The following PARVB variants were observed in gnomAD, a reference collection of about 807,000 sequenced individuals.
PARVB encodes parvin beta.
In PARVB, 46 loss-of-function variants were observed where a neutral mutation model predicts 47.0. The ratio of observed to expected loss-of-function variants is 0.98; its 90% CI spans 0.77 to 1.25. PARVB has a LOEUF of 1.25. PARVB is among the 50% of genes most tolerant of loss of function. The pLI, the probability that PARVB is intolerant of heterozygous loss-of-function variation, is 0.00. For synonymous variants in PARVB, 196 were observed against 196.3 expected (o/e 1.00, Z 0.01); for missense variants, 473 against 471.6 (o/e 1.00, Z -0.03).
At position 44,147,577 on chromosome 22, in the gene PARVB, A is replaced by G. The variant is rs777892754; in HGVS notation, c.713-284A>G. 465 of 563,936 alleles carry G rather than the reference A, an allele frequency of 8.2e-4. 4 individuals are homozygous for G. Among genetic ancestry groups the G allele is most frequent in the Middle Eastern group, 4.1e-3 (8 of 1,930 alleles). 34.9% of individuals were successfully genotyped at this position (563,936 alleles called of 1,614,324 possible). A position where few individuals can be genotyped will look rare whatever the true frequency, so the allele number is the denominator to read the frequency against. Reference sequence around the variant, plus strand: ...CAGGTGCAGATGCCAGATGCCATCTATGTGTTTCATATGAGAAGGTAAAAA... The same window carrying G: ...CAGGTGCAGATGCCAGATGCCATCTGTGTGTTTCATATGAGAAGGTAAAAA... On this transcript the variant is annotated intron_variant, in intron 8 of 12. Coordinates refer to ENST00000338758, the MANE Select transcript of PARVB (RefSeq NM_013327.5).
At chr22:44,032,827 A>G (rs993242924) in intron 1 of PARVB, among the ~76,000 whole-genome samples, 7 of 152,094 alleles carry the variant, frequency 4.6e-5, no homozygotes, top group African/African-American at 1.7e-4. Flanking sequence ...AGGGAAAAAG[A>G]ATGCTGGGAC....
chr22:44,165,829 T>A (rs1260608511), intron 12 of PARVB, among the ~76,000 whole-genome samples: 1 of 152,222 alleles, frequency 6.6e-6, no homozygotes, highest in African/African-American at 2.4e-5. Context: ...GCTGCTCCCA[T>A]GAGCACTGGA....
At chr22:44,121,683 G>A (rs1601637124) in intron 4 of PARVB, among the ~76,000 whole-genome samples, 1 of 152,040 alleles carries the variant, frequency 6.6e-6, no homozygotes, top group East Asian at 1.9e-4. Flanking sequence ...TGGCTCCTGG[G>A]GTGTCATTGC....
intron 1 of PARVB, among the ~76,000 whole-genome samples, chr22:44,091,129 T>A (rs2052156216): frequency 6.6e-6 from 1 of 152,102 alleles, no homozygotes; most frequent in African/African-American, 2.4e-5. Context: ...CCACTGCTGG[T>A]GTAGCGTTAT....
intron 2 of PARVB, among the ~76,000 whole-genome samples, chr22:44,098,295 G>A (rs971786504): frequency 2.0e-5 from 3 of 152,210 alleles, no homozygotes; most frequent in African/African-American, 7.2e-5. Flanking sequence ...TCCAGAGGGG[G>A]TCTCAGACAT....
chr22:44,026,439 A>C (rs990859328), intron 1 of PARVB: 1 of 715,736 alleles, frequency 1.4e-6, no homozygotes, highest in Admixed American at 6.3e-5. Context: ...AGGGCCACAA[A>C]CCCTCCTTGG....
intron 3 of PARVB, chr22:44,115,339 CTAAG>C: frequency 1.8e-5 from 1 of 57,032 alleles, no homozygotes; most frequent in Non-Finnish European, 3.5e-5. Context: ...TACATTGTTA[CTAAG>C]TAAGGCCCTG....
intron 11 of PARVB, among the ~76,000 whole-genome samples, chr22:44,163,478 C>T (rs766943590): frequency 6.6e-5 from 10 of 152,052 alleles, no homozygotes; most frequent in South Asian, 2.1e-4. Context: ...TCTCAAAAAA[C>T]GTAAATAAAT....
intron 1 of PARVB, among the ~76,000 whole-genome samples, chr22:44,075,197 A>G (rs2146989721): frequency 6.6e-6 from 1 of 152,336 alleles, no homozygotes; most frequent in South Asian, 2.1e-4. Flanking sequence ...CCCTGGAGAC[A>G]TGGATGCCTG....
rs148473628 is a variant in PARVB, at chr22:44,134,752, T to TGGAA, written c.634-1695_634-1692dup. Among the ~76,000 whole-genome samples the TGGAA allele has an allele frequency of 7.2e-5, 11 of 152,044 alleles. No individual in the cohort carries two copies. The East Asian group carries it at 2.1e-3, about 29-fold the overall frequency. ...TGTAAGGGATGTGGCATTTCCAGGG[T>TGGAA]GGAAGGAAGGAAGGAAAGGGCCTTA... On this transcript the variant is annotated intron_variant, in intron 6 of 12. Transcript: ENST00000338758.
chr22:44,148,268 G>A (rs1271004502), intron 9 of PARVB: 2 of 363,896 alleles, frequency 5.5e-6, no homozygotes, highest in Non-Finnish European at 5.4e-6. Context: ...ACCATCTACA[G>A]CCTGCCCAGT....
exon 1 of PARVB, chr22:43,999,359 G>A: frequency 6.2e-7 from 1 of 1,609,936 alleles, no homozygotes; most frequent in Non-Finnish European, 8.5e-7. Context: ...TGTGTTTAAA[G>A]ATCACCAAAG....
At chr22:44,045,325 A>T in intron 1 of PARVB, among the ~76,000 whole-genome samples, 1 of 152,224 alleles carries the variant, frequency 6.6e-6, no homozygotes, top group Non-Finnish European at 1.5e-5. Context: ...TTTATGACTC[A>T]TTGAGTCAAA....
At chr22:44,127,888 G>T (rs1225909072) in intron 4 of PARVB, among the ~76,000 whole-genome samples, 1 of 151,926 alleles carries the variant, frequency 6.6e-6, no homozygotes, top group African/African-American at 2.4e-5. Context: ...AGGCTTGGAT[G>T]ATCTTCCCAC....
chr22:44,049,709 G>A lies in PARVB; in HGVS notation c.112+25258G>A, dbSNP rs1016301068. 6.6e-6 allele frequency among the ~76,000 whole-genome samples: 1 copy of A among 152,242 alleles called. No individual in the cohort carries two copies. Among genetic ancestry groups the A allele is most frequent in the African/African-American group, 2.4e-5 (1 of 41,456 alleles). On this transcript the variant is annotated intron_variant, in intron 1 of 12. Coordinates refer to ENST00000338758, the MANE Select transcript of PARVB (RefSeq NM_013327.5). This position sits in a 1 kb window ranked among gnomAD's most constrained non-coding sequence, Gnocchi z 4.0. Reference sequence around the variant, plus strand: ...GCAAGGAACCCTAGGGGCTGCCATAGCCCTGGAGATACTGGCTGGAAATCA... The same window carrying A: ...GCAAGGAACCCTAGGGGCTGCCATAACCCTGGAGATACTGGCTGGAAATCA...
Position 44,103,238 on chromosome 22 carries a change from G to A in PARVB, c.273+3115G>A, listed in dbSNP as rs1161602624. ...GCTAATTAGCATCCTTTGGGGCAAA[G>A]TACAACTATGGGGCAAAATACAACT... On this transcript the variant is annotated intron_variant, in intron 3 of 12. Coordinates refer to ENST00000338758, the MANE Select transcript of PARVB (RefSeq NM_013327.5). The surrounding 1 kb of genome is among the most constrained non-coding windows in gnomAD (Gnocchi z 4.6). The A allele has an allele frequency of 6.6e-6, 1 of 152,214 alleles. No homozygotes were observed. Among genetic ancestry groups the A allele is most frequent in the African/African-American group, 2.4e-5 (1 of 41,444 alleles). 9.4% of individuals were successfully genotyped at this position (152,214 alleles called of 1,614,324 possible). A position where few individuals can be genotyped will look rare whatever the true frequency, so the allele number is the denominator to read the frequency against.
chr22:44,094,055 G>C (rs916125658), intron 2 of PARVB, 38 bp downstream of exon 2: 1 of 1,303,232 alleles, frequency 7.7e-7, no homozygotes, highest in Non-Finnish European at 1.1e-6. Context: ...TGAGACAGTT[G>C]AGCTTCCGTG....
intron 1 of PARVB, among the ~76,000 whole-genome samples, chr22:44,071,443 C>T (rs559935108): frequency 2.6e-5 from 4 of 152,278 alleles, no homozygotes; most frequent in Admixed American, 6.5e-5. Flanking sequence ...TCTGAAAGTA[C>T]AGCCACCCAC....
intron 1 of PARVB, among the ~76,000 whole-genome samples, chr22:44,061,321 T>G (rs2051414114): frequency 6.6e-6 from 1 of 151,926 alleles, no homozygotes; most frequent in Non-Finnish European, 1.5e-5. Context: ...ATCCCACCTA[T>G]TCAGGAGGCT....
Sources: allele counts gnomAD v4.1 joint callset (sites outside exome capture counted in the v4.1 genomes callset), GRCh38; gene constraint gnomAD v4.1.1; non-coding constraint Gnocchi (gnomAD v3.1); transcripts MANE v1.5; gene names NCBI Gene and HGNC (gene_info 2026-07-23, HGNC 2026-07-21).